The following CFAP61 variants were observed in gnomAD, a reference collection of about 807,000 sequenced individuals.
The protein encoded by CFAP61 is cilia and flagella associated protein 61, also known as cilia- and flagella-associated protein 61.
In CFAP61, 107 loss-of-function variants were observed where a neutral mutation model predicts 135.6. That is an observed-to-expected ratio of 0.79 (90% CI 0.67 to 0.93). CFAP61 has a LOEUF of 0.93. Among genes scored for constraint, CFAP61 ranks in the 40% least tolerant of loss-of-function variants. The pLI is 0.00. For synonymous variants in CFAP61, 575 were observed against 578.5 expected, an observed-to-expected ratio of 0.99 and a Z score of 0.09; for missense variants, 1,507 against 1,556.2, an observed-to-expected ratio of 0.97 and a Z score of 0.53.
At chr20:20,286,872 G>A (rs1439670958) in intron 22 of CFAP61, among the ~76,000 whole-genome samples, 1 of 152,188 alleles carries the variant, frequency 6.6e-6, no homozygotes, top group Non-Finnish European at 1.5e-5. Context: ...TATATTTAAT[G>A]TACTACTTAA....
chr20:20,070,898 A>G lies in CFAP61; in HGVS notation c.188A>G (p.Glu63Gly). ...GTTACCCTCTGCAATGACAAGGAGG[A>G]GATCATGGCCCAGGCCACCTTCCTG... ...LAVTLCNDKE[E>G]IMAQATFLDY... is the part of the protein sequence containing the mutation. The change falls in exon 3 of 27, where the codon GAG becomes GGG. Residue 63 changes from glutamate (E) to glycine (G), a missense_variant. Glu to Gly is a moderately conservative substitution (Grantham distance 98). Coordinates refer to ENST00000245957, the MANE Select transcript of CFAP61 (RefSeq NM_015585.4). 1 of 1,614,066 alleles carries G rather than the reference A, an allele frequency of 6.2e-7. No homozygotes were observed. The highest frequency in any genetic ancestry group is 8.5e-7 in the Non-Finnish European group (1 of 1,179,948).
chr20:20,280,563 A>C (rs562976789), intron 22 of CFAP61, among the ~76,000 whole-genome samples: 1 of 152,206 alleles, frequency 6.6e-6, no homozygotes, highest in African/African-American at 2.4e-5. Context: ...TTTACTCAGC[A>C]TGGTGATTTT....
At chr20:20,096,539 T>G (rs1024666849) in intron 7 of CFAP61, among the ~76,000 whole-genome samples, 3 of 152,284 alleles carry the variant, frequency 2.0e-5, no homozygotes, top group Non-Finnish European at 4.4e-5. Context: ...ATCATACACA[T>G]GCAGCTCGCT....
intron 20 of CFAP61, among the ~76,000 whole-genome samples, chr20:20,255,873 A>T (rs1196282168): frequency 6.6e-6 from 1 of 152,184 alleles, no homozygotes; most frequent in Admixed American, 6.5e-5. Flanking sequence ...CTCGGCCAAC[A>T]AAGTGCAAAG....
At chr20:20,290,648 A>AAGGTC (rs1416768655) in intron 24 of CFAP61, among the ~76,000 whole-genome samples, 2 of 152,226 alleles carry the variant, frequency 1.3e-5, no homozygotes, top group Non-Finnish European at 2.9e-5. Context: ...TGTGACTTCC[A>AAGGTC]AGGTCAGGTC....
At chr20:20,176,142 A>G (rs1392339272) in intron 13 of CFAP61, among the ~76,000 whole-genome samples, 1 of 145,988 alleles carries the variant, frequency 6.8e-6, no homozygotes, top group Non-Finnish European at 1.5e-5. Context: ...CAAATCAAAA[A>G]CCACAAAGAA....
At chr20:20,308,820 C>T (rs1272257802) in intron 25 of CFAP61, among the ~76,000 whole-genome samples, 1 of 152,138 alleles carries the variant, frequency 6.6e-6, no homozygotes, top group Non-Finnish European at 1.5e-5. Context: ...TATAGATTTT[C>T]TTCCTCCATT....
intron 8 of CFAP61, among the ~76,000 whole-genome samples, chr20:20,101,476 A>C (rs2048013946): frequency 6.6e-6 from 1 of 152,232 alleles, no homozygotes. Context: ...CCCAGAAGGC[A>C]GACCCAGCCT....
At chr20:20,329,486 A>G (rs1460997485) in intron 25 of CFAP61, among the ~76,000 whole-genome samples, 2 of 151,942 alleles carry the variant, frequency 1.3e-5, no homozygotes, top group Non-Finnish European at 2.9e-5. Flanking sequence ...ATCTGCTGCC[A>G]TTGCAGCTGC....
At chr20:20,078,145 G>A (rs925489881) in intron 6 of CFAP61, among the ~76,000 whole-genome samples, 3 of 152,200 alleles carry the variant, frequency 2.0e-5, no homozygotes, top group Non-Finnish European at 4.4e-5. Flanking sequence ...TAAGATCTCT[G>A]TTTTCATGTT....
At chr20:20,253,562 AT>A in intron 20 of CFAP61, 1 of 491,210 alleles carries the variant, frequency 2.0e-6, no homozygotes, top group South Asian at 1.5e-5. Flanking sequence ...ATGACTCTGC[AT>A]TTTTAAGCAT....
intron 18 of CFAP61, among the ~76,000 whole-genome samples, chr20:20,231,696 C>T (rs879570291): frequency 1.3e-5 from 2 of 152,134 alleles, no homozygotes; most frequent in Non-Finnish European, 2.9e-5. Flanking sequence ...CAGGAGCATG[C>T]GTGTTTGTGG....
intron 21 of CFAP61, among the ~76,000 whole-genome samples, chr20:20,269,178 T>C (rs1170856099): frequency 2.4e-5 from 2 of 84,202 alleles, no homozygotes; most frequent in African/African-American, 7.4e-5. Context: ...CATATATGTA[T>C]ATACACACAC....
At chr20:20,203,124 C>T (rs939189011) in intron 17 of CFAP61, among the ~76,000 whole-genome samples, 2 of 152,310 alleles carry the variant, frequency 1.3e-5, no homozygotes, top group South Asian at 2.1e-4. Context: ...CCGGCCACAA[C>T]ACCTTCCCCG....
chr20:20,204,448 A>G (rs1394029866), intron 17 of CFAP61, among the ~76,000 whole-genome samples: 1 of 152,206 alleles, frequency 6.6e-6, no homozygotes, highest in Non-Finnish European at 1.5e-5. Context: ...ACTCACTGGC[A>G]TTCAGTTACC....
At chr20:20,071,247 G>A (rs1212931518) in intron 3 of CFAP61, among the ~76,000 whole-genome samples, 1 of 152,136 alleles carries the variant, frequency 6.6e-6, no homozygotes, top group Non-Finnish European at 1.5e-5. Flanking sequence ...CACTAATGAC[G>A]GCGGGGGAGG....
At chr20:20,341,793 G>C in intron 25 of CFAP61, 38 bp from the exon 26 acceptor site, 1 of 1,450,700 alleles carries the variant, frequency 6.9e-7, no homozygotes, top group South Asian at 1.2e-5. Flanking sequence ...GGTAATGAGA[G>C]GGTTGCCAGC....
At chr20:20,284,004 G>T (rs981558343) in intron 22 of CFAP61, among the ~76,000 whole-genome samples, 7 of 152,180 alleles carry the variant, frequency 4.6e-5, no homozygotes, top group Non-Finnish European at 8.8e-5. Context: ...ACTTAAGGAA[G>T]AGGTGGAATC....
chr20:20,358,434 T>A (rs1051612046), intron 26 of CFAP61, among the ~76,000 whole-genome samples: 1 of 152,202 alleles, frequency 6.6e-6, no homozygotes. Context: ...AACAGCAGCA[T>A]ACAATATGAG....
Sources: gnomAD v4.1 joint callset for allele counts (sites outside exome capture counted in the v4.1 genomes callset) on GRCh38, gnomAD v4.1.1 for gene constraint, MANE v1.5 for transcripts, NCBI Gene and HGNC (gene_info 2026-07-23, HGNC 2026-07-21) for gene names.